The following MYO5A variants were observed in gnomAD, a reference collection of about 807,000 sequenced individuals.
The protein encoded by MYO5A is myosin VA.
Under a neutral mutation model 249.7 loss-of-function variants are expected in MYO5A, and 98 were observed. That is an observed-to-expected ratio of 0.39 (90% CI 0.33 to 0.46). The LOEUF (loss-of-function observed/expected upper bound fraction) is 0.46, where lower values mean the gene tolerates loss of function less well. Ranked by LOEUF, MYO5A falls within the 20% of genes least tolerant of loss-of-function variation. The probability of loss-of-function intolerance (pLI) is 0.98; values close to 1 mark genes in which losing one functional copy is unlikely to be tolerated. For synonymous variants in MYO5A, 778 were observed against 810.6 expected (o/e 0.96, Z 0.68); for missense variants, 1,696 against 2,308.8 (o/e 0.73, Z 5.44).
At chr15:52,498,966 T>G (rs762625993) in intron 1 of MYO5A, among the ~76,000 whole-genome samples, 8 of 152,208 alleles carry the variant, frequency 5.3e-5, no homozygotes, top group Non-Finnish European at 8.8e-5. Flanking sequence ...AGGAATTCCA[T>G]AAAGCATATC....
At chr15:52,424,087 T>C (rs1318557896) in intron 4 of MYO5A, among the ~76,000 whole-genome samples, 2 of 152,242 alleles carry the variant, frequency 1.3e-5, no homozygotes, top group Non-Finnish European at 1.5e-5. Context: ...GAAACTGTAC[T>C]GCAATGCTCT....
At chr15:52,490,748 T>TC (rs1382072258) in intron 1 of MYO5A, among the ~76,000 whole-genome samples, 1 of 152,122 alleles carries the variant, frequency 6.6e-6, no homozygotes, top group Non-Finnish European at 1.5e-5. Context: ...AGACAGGGTC[T>TC]CATTCTGTTG....
At chr15:52,442,687 C>G (rs528368655) in intron 1 of MYO5A, among the ~76,000 whole-genome samples, 1 of 152,232 alleles carries the variant, frequency 6.6e-6, no homozygotes, top group South Asian at 2.1e-4. Context: ...AGATGAAGTT[C>G]CAAGTCTACT....
intron 32 of MYO5A, 60 bp downstream of exon 32, chr15:52,340,136 G>C: frequency 1.3e-6 from 2 of 1,580,840 alleles, no homozygotes; most frequent in Non-Finnish European, 1.7e-6. Flanking sequence ...TGATCAAAAA[G>C]AAACTAGACT....
At position 52,448,592 on chromosome 15, in the gene MYO5A, G is replaced by T. The variant is rs189995281; in HGVS notation, c.28-15307C>A. On this transcript the variant is annotated intron_variant, in intron 1 of 41. Coordinates refer to ENST00000399233, the MANE Select transcript of MYO5A (RefSeq NM_001382347.1). ...GGAGGCGCCAGTGGCAGAATGATACGGTTTGAGTCTGTGTCCCAACCCAAA... is the reference window on the plus strand; with the variant it reads ...GGAGGCGCCAGTGGCAGAATGATACTGTTTGAGTCTGTGTCCCAACCCAAA... 2.0e-4 allele frequency among the ~76,000 whole-genome samples: 31 copies of T among 152,072 alleles called. 3 individuals carry two copies. In the South Asian group the frequency reaches 6.4e-3, roughly 32 times the overall value.
At chr15:52,390,043 A>G (rs1032238156) in intron 12 of MYO5A, among the ~76,000 whole-genome samples, 3 of 152,242 alleles carry the variant, frequency 2.0e-5, no homozygotes, top group Non-Finnish European at 4.4e-5. Context: ...AAACAGAAAG[A>G]CAAACATCAC....
chr15:52,360,712 T>C (rs1208003427), intron 24 of MYO5A, among the ~76,000 whole-genome samples: 1 of 152,172 alleles, frequency 6.6e-6, no homozygotes, highest in Non-Finnish European at 1.5e-5. Flanking sequence ...GTGGCATTTT[T>C]ATGACATGTA....
chr15:52,468,545 C>CTGTA (rs2076396854), intron 1 of MYO5A, among the ~76,000 whole-genome samples: 1 of 151,968 alleles, frequency 6.6e-6, no homozygotes, highest in Admixed American at 6.6e-5. Context: ...TGGTGTGCAC[C>CTGTA]TGTAGTTCCA....
At chr15:52,351,621 G>T (rs2141020274) in intron 27 of MYO5A, 140 bp from the exon 28 acceptor site, 1 of 794,818 alleles carries the variant, frequency 1.3e-6, no homozygotes, top group Non-Finnish European at 2.1e-6. Context: ...CCTAGGTTCT[G>T]CCAGGAGCCC....
chr15:52,428,623 G>A (rs2075449437), intron 2 of MYO5A, 54 bp from the exon 3 acceptor site: 1 of 1,585,574 alleles, frequency 6.3e-7, no homozygotes, highest in Non-Finnish European at 8.7e-7. Flanking sequence ...GACTGTGAAA[G>A]AGGCCCATGC....
At chr15:52,318,973 C>A (rs2038168474) in intron 39 of MYO5A, 87 bp downstream of exon 39, 2 of 1,515,778 alleles carry the variant, frequency 1.3e-6, no homozygotes, top group East Asian at 4.6e-5. Context: ...GATGCAAGAA[C>A]TGAAAACAAG....
rs1414574840 is a variant in MYO5A, at chr15:52,308,625, G to A, written c.*5071C>T. ...GCCTCTCACTGGCTCTGAGACTGTTGCTGCCCCACAGTTCTAATTCCCATT... is the reference window on the plus strand; with the variant it reads ...GCCTCTCACTGGCTCTGAGACTGTTACTGCCCCACAGTTCTAATTCCCATT... On this transcript the variant is annotated 3_prime_UTR_variant, in exon 42 of 42. Coordinates refer to ENST00000399233, the MANE Select transcript of MYO5A (RefSeq NM_001382347.1). 1 of 152,392 alleles carries A rather than the reference G, an allele frequency of 6.6e-6. No individual in the cohort carries two copies. The highest frequency in any genetic ancestry group is 1.5e-5 in the Non-Finnish European group (1 of 68,044). 9.4% of individuals were successfully genotyped at this position (152,392 alleles called of 1,614,324 possible). A position where few individuals can be genotyped will look rare whatever the true frequency, so the allele number is the denominator to read the frequency against.
intron 5 of MYO5A, among the ~76,000 whole-genome samples, chr15:52,414,493 T>C (rs987228895): frequency 6.6e-6 from 1 of 152,098 alleles, no homozygotes; most frequent in African/African-American, 2.4e-5. Context: ...AAAGAGGTCA[T>C]AAAATAGTAC....
intron 34 of MYO5A, among the ~76,000 whole-genome samples, chr15:52,335,900 C>A (rs780630074): frequency 7.2e-5 from 11 of 152,164 alleles, no homozygotes; most frequent in Non-Finnish European, 1.3e-4. Context: ...AGCATTTTTA[C>A]TATGCGTCAG....
chr15:52,403,801 T>G (rs1451521772), intron 9 of MYO5A, among the ~76,000 whole-genome samples: 5 of 152,114 alleles, frequency 3.3e-5, no homozygotes, highest in Non-Finnish European at 7.4e-5. Context: ...AAAACCACCA[T>G]TAGGAAAAGA....
intron 24 of MYO5A, among the ~76,000 whole-genome samples, chr15:52,361,263 G>A (rs1444802280): frequency 2.0e-5 from 3 of 152,116 alleles, no homozygotes; most frequent in Non-Finnish European, 4.4e-5. Context: ...AAAGTTTCCA[G>A]CCCAAGCCCA....
chr15:52,376,206 C>T (rs1159910582), intron 19 of MYO5A, 141 bp downstream of exon 19: 1 of 728,124 alleles, frequency 1.4e-6, no homozygotes, highest in Non-Finnish European at 2.4e-6. Flanking sequence ...TTCTATTTAG[C>T]TGTCCTATGA....
intron 4 of MYO5A, among the ~76,000 whole-genome samples, chr15:52,417,676 T>C (rs1255975614): frequency 6.6e-6 from 1 of 152,178 alleles, no homozygotes; most frequent in Non-Finnish European, 1.5e-5. Flanking sequence ...ATGGCATGAA[T>C]GCAGGAGTGA....
At chr15:52,420,370 T>C (rs1354895006) in intron 4 of MYO5A, among the ~76,000 whole-genome samples, 1 of 151,250 alleles carries the variant, frequency 6.6e-6, no homozygotes, top group Non-Finnish European at 1.5e-5. Context: ...ATTTATGCAG[T>C]CATAATGGAA....
Sources: allele counts gnomAD v4.1 joint callset (sites outside exome capture counted in the v4.1 genomes callset), GRCh38; gene constraint gnomAD v4.1.1; transcripts MANE v1.5; gene names NCBI Gene and HGNC (gene_info 2026-07-23, HGNC 2026-07-21).